Variants in TSPAN5 observed in about 807,000 individuals in gnomAD.
TSPAN5 encodes the protein tetraspanin-5.
In TSPAN5, 10 loss-of-function variants were observed where a neutral mutation model predicts 37.1. The ratio of observed to expected loss-of-function variants is 0.27; its 90% CI spans 0.17 to 0.46. TSPAN5 has a LOEUF of 0.46. Among genes scored for constraint, TSPAN5 ranks in the 20% least tolerant of loss-of-function variants. The probability of loss-of-function intolerance (pLI) is 1.00; values close to 1 mark genes in which losing one functional copy is unlikely to be tolerated. For synonymous variants in TSPAN5, 110 were observed against 118.9 expected (o/e 0.93, Z 0.48); for missense variants, 195 against 326.6 (o/e 0.60, Z 3.11).
At chr4:98,631,886 C>CTAA (rs1388954348) in intron 1 of TSPAN5, among the ~76,000 whole-genome samples, 1 of 152,104 alleles carries the variant, frequency 6.6e-6, no homozygotes, top group Admixed American at 6.5e-5. Context: ...GATCTTAGGC[C>CTAA]ACTTTTTAGT....
chr4:98,516,847 C>A (rs996057982), intron 1 of TSPAN5, among the ~76,000 whole-genome samples: 5 of 152,128 alleles, frequency 3.3e-5, no homozygotes, highest in African/African-American at 1.2e-4. Context: ...ATTCCTTCTC[C>A]TGTTTGATCC....
At chr4:98,486,542 G>A in intron 3 of TSPAN5, 196 bp downstream of exon 3, 1 of 567,496 alleles carries the variant, frequency 1.8e-6, no homozygotes. Flanking sequence ...GGGTGGTGGG[G>A]GTGGTGTTGT....
intron 1 of TSPAN5, among the ~76,000 whole-genome samples, chr4:98,552,078 T>C (rs938877238): frequency 6.6e-6 from 1 of 152,198 alleles, no homozygotes; most frequent in Non-Finnish European, 1.5e-5. Flanking sequence ...ATTGTGTTTA[T>C]TTTGATCTTC....
In TSPAN5 at chr4:98,482,180, G is replaced by A. The variant is rs1752853673; in HGVS notation, c.280-5C>T. 1 of 1,613,108 alleles carries A rather than the reference G, an allele frequency of 6.2e-7. No homozygotes were observed. Among genetic ancestry groups the A allele is most frequent in the African/African-American group, 1.3e-5 (1 of 74,782 alleles). On this transcript the variant is annotated splice_polypyrimidine_tract_variant and splice_region_variant and intron_variant, in intron 3 of 7. Transcript: ENST00000305798. ...AATTCCCAGGAACACAGAAAACTAAGATAAAAGACACATACACAGAGAACA... is the reference window on the plus strand; with the variant it reads ...AATTCCCAGGAACACAGAAAACTAAAATAAAAGACACATACACAGAGAACA...
intron 1 of TSPAN5, among the ~76,000 whole-genome samples, chr4:98,549,645 G>A (rs4699653): frequency 0.056 from 8,509 of 151,992 alleles, 498 homozygotes; most frequent in Admixed American, 0.13. Flanking sequence ...GTGATGTTGA[G>A]CATTTTTTTC....
chr4:98,579,282 T>C (rs904288574), intron 1 of TSPAN5, among the ~76,000 whole-genome samples: 17 of 152,174 alleles, frequency 1.1e-4, no homozygotes, highest in Admixed American at 3.9e-4. Context: ...ATGCCATCAA[T>C]CTTCATCACA....
In TSPAN5 at chr4:98,624,891, C is replaced by T. The variant is rs929088222; in HGVS notation, c.81+33255G>A. The stretch of plus-strand genomic sequence containing the variant: ...AGTGATCATAAATACACAAGACTAA[C>T]GCCACACTTAAGACTTTAGATTCCT... On this transcript the variant is annotated intron_variant, in intron 1 of 7. Coordinates refer to ENST00000305798, the MANE Select transcript of TSPAN5 (RefSeq NM_005723.4). Among the ~76,000 whole-genome samples the T allele has an allele frequency of 4.7e-5, 7 of 149,912 alleles. No individual in the cohort carries two copies. The South Asian group carries it at 8.3e-4, about 18-fold the overall frequency.
chr4:98,640,210 A>C, intron 1 of TSPAN5, among the ~76,000 whole-genome samples: 1 of 152,320 alleles, frequency 6.6e-6, no homozygotes, highest in African/African-American at 2.4e-5. Context: ...TATATTAATA[A>C]ATTAAGCAAC....
At chr4:98,598,439 A>G (rs890642158) in intron 1 of TSPAN5, among the ~76,000 whole-genome samples, 9 of 149,254 alleles carry the variant, frequency 6.0e-5, no homozygotes, top group Admixed American at 2.0e-4. Context: ...AGCTGTTCCT[A>G]TTCGGCCATC....
chr4:98,548,491 C>T (rs192350991), intron 1 of TSPAN5, among the ~76,000 whole-genome samples: 31 of 152,026 alleles, frequency 2.0e-4, no homozygotes, highest in Non-Finnish European at 8.8e-5. Flanking sequence ...ATGGTACCAG[C>T]TAATGGCACA....
At chr4:98,539,372 C>G (rs1159957653) in intron 1 of TSPAN5, among the ~76,000 whole-genome samples, 2 of 152,154 alleles carry the variant, frequency 1.3e-5, no homozygotes, top group African/African-American at 4.8e-5. Context: ...TCAGAGGCAG[C>G]AGGTTCACCA....
intron 1 of TSPAN5, among the ~76,000 whole-genome samples, chr4:98,508,044 G>A (rs890690040): frequency 2.6e-5 from 4 of 152,102 alleles, no homozygotes; most frequent in African/African-American, 9.7e-5. Context: ...GGGAGGAAAC[G>A]GATTCCCCAT....
chr4:98,539,266 T>C (rs1754306066), intron 1 of TSPAN5, among the ~76,000 whole-genome samples: 1 of 152,214 alleles, frequency 6.6e-6, no homozygotes, highest in Non-Finnish European at 1.5e-5. Context: ...AATCTCTGTT[T>C]CTTATTTGCA....
chr4:98,625,299 C>A (rs1318440656), intron 1 of TSPAN5, among the ~76,000 whole-genome samples: 1 of 152,112 alleles, frequency 6.6e-6, no homozygotes, highest in African/African-American at 2.4e-5. Context: ...TTACAATGAG[C>A]TTGTGAAGCA....
At chr4:98,573,581 T>C (rs1008147090) in intron 1 of TSPAN5, among the ~76,000 whole-genome samples, 4 of 152,212 alleles carry the variant, frequency 2.6e-5, no homozygotes, top group Admixed American at 1.3e-4. Flanking sequence ...CTAAAGTAGA[T>C]AACAACTACA....
At chr4:98,640,403 A>T (rs1435129090) in intron 1 of TSPAN5, among the ~76,000 whole-genome samples, 1 of 152,224 alleles carries the variant, frequency 6.6e-6, no homozygotes, top group Non-Finnish European at 1.5e-5. Context: ...GATTTTACGG[A>T]AACTGTAATG....
Position 98,604,903 on chromosome 4 carries a change from C to T in TSPAN5, c.81+53243G>A, listed in dbSNP as rs546102237. Among the ~76,000 whole-genome samples, 14 of 152,324 alleles carry T rather than the reference C, an allele frequency of 9.2e-5. No individual in the cohort carries two copies. The East Asian group carries it at 2.5e-3, about 27-fold the overall frequency. On this transcript the variant is annotated intron_variant, in intron 1 of 7. Transcript: ENST00000305798. ...ATGCAGCTTGCTCAGGGACACTCAG[C>T]TGAGATTCCTCAACCCTTTTCTCCC...
At chr4:98,559,466 G>C (rs2110166666) in intron 1 of TSPAN5, among the ~76,000 whole-genome samples, 1 of 152,278 alleles carries the variant, frequency 6.6e-6, no homozygotes, top group East Asian at 1.9e-4. Flanking sequence ...AAATGGTTAA[G>C]TAGGAGTTCA....
intron 1 of TSPAN5, among the ~76,000 whole-genome samples, chr4:98,651,693 G>A (rs754076843): frequency 9.9e-5 from 15 of 152,122 alleles, no homozygotes; most frequent in South Asian, 4.2e-4. Context: ...TGGGGAGACA[G>A]ATAACATCTA....
Sources: gnomAD v4.1 joint callset for allele counts (sites outside exome capture counted in the v4.1 genomes callset) on GRCh38, gnomAD v4.1.1 for gene constraint, MANE v1.5 for transcripts, NCBI Gene and HGNC (gene_info 2026-07-23, HGNC 2026-07-21) for gene names.